Variants in MAP1LC3B observed in about 807,000 individuals in gnomAD.
The protein encoded by MAP1LC3B is microtubule associated protein 1 light chain 3 beta, also known as microtubule-associated protein 1 light chain 3 beta.
A neutral mutation model predicts 16.7 loss-of-function variants in MAP1LC3B; 12 were observed. The ratio of observed to expected loss-of-function variants is 0.72; its 90% confidence interval spans 0.46 to 1.16. MAP1LC3B has a LOEUF of 1.16. Ranked by LOEUF, MAP1LC3B falls within the 50% of genes most tolerant of loss-of-function variation. The pLI is 0.00. For missense variants in MAP1LC3B, 155 were observed against 159.5 expected (o/e 0.97, Z 0.15); for synonymous variants, 63 against 56.5 (o/e 1.11, Z -0.51).
intron 1 of MAP1LC3B, among the ~76,000 whole-genome samples, chr16:87,396,229 A>G (rs1256411280): frequency 3.3e-5 from 5 of 151,262 alleles, no homozygotes; most frequent in African/African-American, 1.2e-4. Flanking sequence ...TAATCCCAAC[A>G]TTTTGGTAGG....
chr16:87,398,407 T>C (rs186241120), intron 1 of MAP1LC3B, among the ~76,000 whole-genome samples: 7 of 152,214 alleles, frequency 4.6e-5, no homozygotes, highest in Non-Finnish European at 1.0e-4. Context: ...TGGTTTATAA[T>C]GGATTCCATT....
rs1352820950 is a variant in MAP1LC3B, at chr16:87,404,601, T to C, written c.*1504T>C. On this transcript the variant is annotated 3_prime_UTR_variant, in exon 4 of 4. Transcript: ENST00000268607. ...AGACTGTATACATCATATCTGACAT[T>C]ATTGTAACTACCGTGTGATCAGTAA... 2.0e-5 allele frequency: 3 copies of C among 152,180 alleles called. No homozygotes were observed. The highest frequency in any genetic ancestry group is 4.4e-5 in the Non-Finnish European group (3 of 68,032). The allele number at this position is 152,180 out of a possible 1,614,324, so 9.4% of individuals were successfully genotyped here. A position where few individuals can be genotyped will look rare whatever the true frequency, so the allele number is the denominator to read the frequency against.
chr16:87,402,451 A>G (rs2150713754), intron 3 of MAP1LC3B, 170 bp downstream of exon 3: 3 of 689,760 alleles, frequency 4.3e-6, no homozygotes, highest in East Asian at 2.8e-5. Context: ...AAACTATAAA[A>G]TGTTTCTTTT....
chr16:87,392,339 G>C lies in MAP1LC3B; in HGVS notation c.-89G>C. 1 of 1,295,046 alleles carries C rather than the reference G, an allele frequency of 7.7e-7. No individual in the cohort carries two copies. Among genetic ancestry groups the C allele is most frequent in the Non-Finnish European group, 9.9e-7 (1 of 1,005,568 alleles). 80.2% of individuals were successfully genotyped at this position (1,295,046 alleles called of 1,614,324 possible). A position where few individuals can be genotyped will look rare whatever the true frequency, so the allele number is the denominator to read the frequency against. The stretch of plus-strand genomic sequence containing the variant: ...TACAAGGGAAGTGGCTATCGCCAGA[G>C]TCGGATTCGCCGCCGCAGCAGCCGC... On this transcript the variant is annotated 5_prime_UTR_variant, in exon 1 of 4. Transcript: ENST00000268607.
chr16:87,398,616 A>T (rs971843391), intron 1 of MAP1LC3B, among the ~76,000 whole-genome samples, 199 bp from the exon 2 acceptor site: 3 of 152,168 alleles, frequency 2.0e-5, no homozygotes, highest in African/African-American at 7.2e-5. Flanking sequence ...CATGTATGTT[A>T]TGTTGCTCTT....
Position 87,392,432 on chromosome 16 carries a change from C to A in MAP1LC3B, c.5C>A (p.Pro2Gln), listed in dbSNP as rs762464327. 7.0e-7 allele frequency: 1 copy of A among 1,420,278 alleles called. No individual in the cohort carries two copies. Among genetic ancestry groups the A allele is most frequent in the African/African-American group, 1.5e-5 (1 of 66,480 alleles). The allele number at this position is 1,420,278 out of a possible 1,614,324, so 88.0% of individuals were successfully genotyped here. A position where few individuals can be genotyped will look rare whatever the true frequency, so the allele number is the denominator to read the frequency against. Reference sequence around the variant, plus strand: ...CGCCGCCCAGATCCCTGCACCATGCCGTCGGAGAAGACCTTCAAGCAGCGC... The same window carrying A: ...CGCCGCCCAGATCCCTGCACCATGCAGTCGGAGAAGACCTTCAAGCAGCGC... M[P>Q]SEKTFKQRRT... The change falls in exon 1 of 4, where the codon CCG becomes CAG. Residue 2 changes from proline to glutamine, a missense_variant. Pro to Gln is a moderately conservative substitution (Grantham distance 76, BLOSUM62 -1). Transcript: ENST00000268607.
chr16:87,404,255 A>G lies in MAP1LC3B; in HGVS notation c.*1158A>G, dbSNP rs2150714784. 6.6e-6 allele frequency: 1 copy of G among 152,310 alleles called. No individual in the cohort carries two copies. The allele number at this position is 152,310 out of a possible 1,614,324, so 9.4% of individuals were successfully genotyped here. A position where few individuals can be genotyped will look rare whatever the true frequency, so the allele number is the denominator to read the frequency against. On this transcript the variant is annotated 3_prime_UTR_variant, in exon 4 of 4. Transcript: ENST00000268607. ...CTGTGATAAAAGACTAGTGCTTCCC[A>G]GTACTTGCATGGGGTTCACTATTTA...
rs773527464 is a variant in MAP1LC3B at position 87,398,884 on chromosome 16, G to A, written c.96+14G>A. ...ACCAAAATCCCGGTAGGTAGTCTCAGGCCTCGGTTTCAGTCATGAATGTAC... is the reference window on the plus strand; with the variant it reads ...ACCAAAATCCCGGTAGGTAGTCTCAAGCCTCGGTTTCAGTCATGAATGTAC... On this transcript the variant is annotated intron_variant, in intron 2 of 3. Coordinates refer to ENST00000268607, the MANE Select transcript of MAP1LC3B (RefSeq NM_022818.5). 4 of 1,612,880 alleles carry A rather than the reference G, an allele frequency of 2.5e-6. No individual in the cohort carries two copies. In the African/African-American group the frequency reaches 5.3e-5, roughly 22 times the overall value.
At chr16:87,401,125 T>TCTC (rs1724042671) in intron 2 of MAP1LC3B, among the ~76,000 whole-genome samples, 1 of 91,968 alleles carries the variant, frequency 1.1e-5, no homozygotes, top group Non-Finnish European at 2.2e-5. Context: ...AGAGCAAGAC[T>TCTC]CTGTCTCAAA....
Position 87,392,370 on chromosome 16 carries a change from C to A in MAP1LC3B, c.-58C>A. The stretch of plus-strand genomic sequence containing the variant: ...TTCGCCGCCGCAGCAGCCGCCGCCC[C>A]CGGGAGCCGCCGGGACCCTCGCGTC... On this transcript the variant is annotated 5_prime_UTR_variant, in exon 1 of 4. Transcript: ENST00000268607. 1 of 1,381,276 alleles carries A rather than the reference C, an allele frequency of 7.2e-7. No individual in the cohort carries two copies. Among genetic ancestry groups the A allele is most frequent in the Non-Finnish European group, 9.3e-7 (1 of 1,075,554 alleles). 85.6% of individuals were successfully genotyped at this position (1,381,276 alleles called of 1,614,324 possible). A position where few individuals can be genotyped will look rare whatever the true frequency, so the allele number is the denominator to read the frequency against.
intron 3 of MAP1LC3B, chr16:87,402,491 C>T (rs1567501781): frequency 3.4e-6 from 2 of 581,474 alleles, no homozygotes; most frequent in Non-Finnish European, 6.0e-6. Flanking sequence ...TGCTAGACTG[C>T]AGAGCCCGTT....
At chr16:87,398,677 T>C (rs199736915) in intron 1 of MAP1LC3B, 138 bp from the exon 2 acceptor site, 1 of 749,714 alleles carries the variant, frequency 1.3e-6, no homozygotes, top group Non-Finnish European at 2.3e-6. Context: ...GTTTTGTTTC[T>C]TTAAGTCCTA....
At chr16:87,395,392 G>T (rs1907762997) in intron 1 of MAP1LC3B, among the ~76,000 whole-genome samples, 2 of 152,180 alleles carry the variant, frequency 1.3e-5, no homozygotes. Flanking sequence ...ACTGGAGCTG[G>T]GTCCTTGACT....
At chr16:87,399,471 C>T (rs192130855) in intron 2 of MAP1LC3B, 29 of 325,862 alleles carry the variant, frequency 8.9e-5, no homozygotes, top group South Asian at 5.1e-4. Flanking sequence ...CAGCTTGACT[C>T]GGCCTTACAC....
At chr16:87,402,093 C>T (rs1908014508) in intron 2 of MAP1LC3B, 82 bp from the exon 3 acceptor site, 2 of 1,431,992 alleles carry the variant, frequency 1.4e-6, no homozygotes, top group African/African-American at 2.8e-5. Context: ...CCTCGGCCTC[C>T]CAAAATGCTG....
In MAP1LC3B at chr16:87,404,520, AC is replaced by A. The variant is rs1200923938; in HGVS notation, c.*1424del. 1.3e-5 allele frequency: 2 copies of A among 151,984 alleles called. No individual in the cohort carries two copies. Among genetic ancestry groups the A allele is most frequent in the African/African-American group, 4.8e-5 (2 of 41,338 alleles). The allele number at this position is 151,984 out of a possible 1,614,324, so 9.4% of individuals were successfully genotyped here. ...CCGCATGCGTCTGTCCACTTGGCTA[AC>A]TTTTAATATGTGTATTTTTACATTA... On this transcript the variant is annotated 3_prime_UTR_variant, in exon 4 of 4. Transcript: ENST00000268607.
At position 87,403,488 on chromosome 16, in the gene MAP1LC3B, C is replaced by T. The variant is rs1226084831; in HGVS notation, c.*391C>T. On this transcript the variant is annotated 3_prime_UTR_variant, in exon 4 of 4. Coordinates refer to ENST00000268607, the MANE Select transcript of MAP1LC3B (RefSeq NM_022818.5). ...AGACCCTGAGTCTTCTCTTCAGGTT[C>T]ACAAAACCCGCCGCCTTTTTGGGTA... 5.8e-6 allele frequency: 1 copy of T among 171,232 alleles called. No homozygotes were observed. Among genetic ancestry groups the T allele is most frequent in the African/African-American group, 2.4e-5 (1 of 41,554 alleles). The allele number at this position is 171,232 out of a possible 1,614,324, so 10.6% of individuals were successfully genotyped here.
intron 2 of MAP1LC3B, among the ~76,000 whole-genome samples, chr16:87,400,638 G>A (rs940047501): frequency 6.6e-6 from 1 of 151,490 alleles, no homozygotes; most frequent in Non-Finnish European, 1.5e-5. Flanking sequence ...AGTCTCTAGT[G>A]TGGAAAAACA....
intron 1 of MAP1LC3B, 121 bp downstream of exon 1, chr16:87,392,588 G>A: frequency 2.0e-6 from 2 of 985,892 alleles, no homozygotes; most frequent in East Asian, 4.6e-5. Context: ...GGGGCCGGTG[G>A]CTGCCGGCCG....
Sources: gnomAD v4.1 joint callset for allele counts (sites outside exome capture counted in the v4.1 genomes callset) on GRCh38, gnomAD v4.1.1 for gene constraint, MANE v1.5 for transcripts, NCBI Gene and HGNC (gene_info 2026-07-23, HGNC 2026-07-21) for gene names.